The following KCNN2 variants were observed in gnomAD, a reference collection of about 807,000 sequenced individuals.
KCNN2 encodes the protein potassium calcium-activated channel subfamily N member 2, also known as small conductance calcium-activated potassium channel protein 2.
Under a neutral mutation model 55.5 loss-of-function variants are expected in KCNN2, and 24 were observed. The observed-to-expected ratio is 0.43, with a 90% confidence interval of 0.31 to 0.61. KCNN2 has a LOEUF of 0.61. KCNN2 is among the 20% of genes least tolerant of loss of function. The probability of loss-of-function intolerance (pLI) is 0.08; values close to 1 mark genes in which losing one functional copy is unlikely to be tolerated. For synonymous variants in KCNN2, 431 were observed against 336.1 expected (o/e 1.28, Z -3.09); for missense variants, 754 against 853.6 (o/e 0.88, Z 1.45).
intron 2 of KCNN2, among the ~76,000 whole-genome samples, chr5:114,349,321 C>T (rs1757167630): frequency 6.6e-6 from 1 of 151,974 alleles, no homozygotes; most frequent in Admixed American, 6.6e-5. Context: ...TGGAATGCTC[C>T]ACAGTTTGAA....
At chr5:114,088,340 G>A (rs753621634) in intron 1 of KCNN2, among the ~76,000 whole-genome samples, 2 of 151,088 alleles carry the variant, frequency 1.3e-5, no homozygotes, top group Non-Finnish European at 2.9e-5. Context: ...TTAAGATTAT[G>A]ATGTGCTTTG....
intron 2 of KCNN2, among the ~76,000 whole-genome samples, chr5:114,384,809 C>T (rs1292073013): frequency 2.6e-5 from 4 of 152,150 alleles, no homozygotes; most frequent in Non-Finnish European, 5.9e-5. Context: ...CGGATTGATT[C>T]ATCCAGTCTG....
At chr5:114,082,546 T>A (rs1456818520) in intron 1 of KCNN2, among the ~76,000 whole-genome samples, 4 of 152,046 alleles carry the variant, frequency 2.6e-5, no homozygotes, top group Admixed American at 2.6e-4. Context: ...CTAAAATAAT[T>A]AAAAACAGAA....
At chr5:114,301,052 A>ATATT (rs1554080365) in intron 2 of KCNN2, among the ~76,000 whole-genome samples, 2 of 150,042 alleles carry the variant, frequency 1.3e-5, no homozygotes, top group African/African-American at 4.9e-5. Context: ...TTTATTAAAT[A>ATATT]TTTTTTTTTT....
At chr5:114,342,342 C>T (rs1019066750) in intron 2 of KCNN2, among the ~76,000 whole-genome samples, 1 of 152,078 alleles carries the variant, frequency 6.6e-6, no homozygotes, top group Non-Finnish European at 1.5e-5. Flanking sequence ...CTGACATATT[C>T]CCTGAGAGCT....
rs189254343 is a variant in KCNN2, at chr5:114,255,830, A to T, written c.-185+34265A>T. Among the ~76,000 whole-genome samples, 181 of 152,288 alleles carry T rather than the reference A, an allele frequency of 1.2e-3. 1 individual carries two copies. Among genetic ancestry groups the T allele is most frequent in the African/African-American group, 4.2e-3 (174 of 41,552 alleles). ...TCTTAAGGTGGCCACTTCCTCTGTG[A>T]TTCAACAGTTGTTCAAAGTTTTTTA... On this transcript the variant is annotated intron_variant, in intron 2 of 10. Transcript: ENST00000512097.
intron 1 of KCNN2, among the ~76,000 whole-genome samples, chr5:114,141,174 A>C (rs1193434394): frequency 6.6e-6 from 1 of 152,046 alleles, no homozygotes; most frequent in Admixed American, 6.6e-5. Context: ...GTACATGTGC[A>C]CAATGTGCAG....
intron 6 of KCNN2, among the ~76,000 whole-genome samples, chr5:114,489,943 C>G (rs1207763249): frequency 6.6e-6 from 1 of 152,184 alleles, no homozygotes; most frequent in Non-Finnish European, 1.5e-5. Context: ...TTCAGCAGCT[C>G]TCTGCTTCTA....
chr5:114,177,264 A>C (rs1165177926), intron 1 of KCNN2, among the ~76,000 whole-genome samples: 3 of 151,470 alleles, frequency 2.0e-5, no homozygotes, highest in Non-Finnish European at 4.4e-5. Context: ...CAGCCTCCTG[A>C]GTAGCTGGGA....
intron 1 of KCNN2, among the ~76,000 whole-genome samples, chr5:114,114,760 G>T (rs1178888619): frequency 2.6e-5 from 4 of 152,106 alleles, no homozygotes; most frequent in Non-Finnish European, 4.4e-5. Flanking sequence ...TTCACTGAGT[G>T]TCCACTCCTG....
At chr5:114,403,695 A>G (rs1343436070) in intron 2 of KCNN2, among the ~76,000 whole-genome samples, 3 of 152,248 alleles carry the variant, frequency 2.0e-5, no homozygotes, top group East Asian at 1.9e-4. Context: ...CTATATATCT[A>G]TTTATTTACT....
chr5:114,145,337 A>G (rs562728270), intron 1 of KCNN2, among the ~76,000 whole-genome samples: 18 of 152,214 alleles, frequency 1.2e-4, no homozygotes, highest in Non-Finnish European at 2.2e-4. Flanking sequence ...AACTAACACA[A>G]TCCTTCCATA....
chr5:114,113,195 G>T (rs1261614710), intron 1 of KCNN2, among the ~76,000 whole-genome samples: 2 of 152,006 alleles, frequency 1.3e-5, no homozygotes, highest in Non-Finnish European at 2.9e-5. Context: ...TGAGTCTGGA[G>T]TTCTTTCCCA....
rs756910509 is a variant in KCNN2, at chr5:114,096,750, ACT to A, written c.-271+40253_-271+40254del. ...CATTTCTCACTGGAAAGTCCTGGAG[ACT>A]CTGCCACAGAAACCCTGGTGATCTA... is the stretch of plus-strand genomic sequence containing the variant. On this transcript the variant is annotated intron_variant, in intron 1 of 10. Transcript: ENST00000512097. 3.9e-5 allele frequency among the ~76,000 whole-genome samples: 6 copies of A among 152,172 alleles called. No homozygotes were observed. The East Asian group carries it at 9.7e-4, about 25-fold the overall frequency.
At chr5:114,135,455 T>G (rs1274034003) in intron 1 of KCNN2, among the ~76,000 whole-genome samples, 1 of 152,160 alleles carries the variant, frequency 6.6e-6, no homozygotes, top group Admixed American at 6.5e-5. Flanking sequence ...CCAACCCGAC[T>G]CCAAACAGTC....
chr5:114,363,615 T>G (rs1757514227), intron 1 of KCNN2, among the ~76,000 whole-genome samples: 1 of 152,142 alleles, frequency 6.6e-6, no homozygotes, highest in South Asian at 2.1e-4. Flanking sequence ...AGAAGTAAGT[T>G]CCTCTGGTTT....
chr5:114,354,731 T>A (rs1248373667), intron 2 of KCNN2, among the ~76,000 whole-genome samples: 2 of 152,128 alleles, frequency 1.3e-5, no homozygotes, highest in African/African-American at 4.8e-5. Flanking sequence ...TAGGAAGGAC[T>A]CATCCTAAGT....
chr5:114,234,893 A>G (rs1156257759), intron 2 of KCNN2, among the ~76,000 whole-genome samples: 1 of 152,166 alleles, frequency 6.6e-6, no homozygotes, highest in East Asian at 1.9e-4. Flanking sequence ...CAAGTTCAGT[A>G]TGTGTTATGA....
intron 3 of KCNN2, among the ~76,000 whole-genome samples, chr5:114,426,592 C>T (rs1376444465): frequency 6.6e-6 from 1 of 152,000 alleles, no homozygotes; most frequent in African/African-American, 2.4e-5. Flanking sequence ...AGGTAGAATT[C>T]ATTGATGATT....
Sources: gnomAD v4.1 joint callset for allele counts (sites outside exome capture counted in the v4.1 genomes callset) on GRCh38, gnomAD v4.1.1 for gene constraint, MANE v1.5 for transcripts, NCBI Gene and HGNC (gene_info 2026-07-23, HGNC 2026-07-21) for gene names.